The following C17orf114 variants were observed in gnomAD, a reference collection of about 807,000 sequenced individuals.
The protein encoded by C17orf114 is chromosome 17 open reading frame 114.
upstream of C17orf114, among the ~76,000 whole-genome samples, chr17:4,805,813 C>T (rs1905727846): frequency 6.6e-6 from 1 of 151,672 alleles, no homozygotes; most frequent in South Asian, 2.1e-4. Context: ...ATTAGCTGGG[C>T]GTGGTGGCGG....
At chr17:4,802,157 C>T in intron 1 of C17orf114, 90 bp downstream of exon 1, 1 of 398,340 alleles carries the variant, frequency 2.5e-6, no homozygotes, top group Non-Finnish European at 4.4e-6. Flanking sequence ...GATCCTTTTC[C>T]CTTTGCTGGT....
chr17:4,805,370 C>G (rs576954407), upstream of C17orf114, among the ~76,000 whole-genome samples: 1 of 150,768 alleles, frequency 6.6e-6, no homozygotes, highest in Non-Finnish European at 1.5e-5. Flanking sequence ...TGCAGTGAGC[C>G]GAGATCGCGC....
upstream of C17orf114, among the ~76,000 whole-genome samples, chr17:4,803,807 C>T (rs117838943): frequency 4.1e-3 from 617 of 151,790 alleles, 14 homozygotes; most frequent in East Asian, 0.054. Flanking sequence ...CTGCAACCTC[C>T]GTCTCCAGGG....
chr17:4,802,137 G>A (rs1905528544), intron 1 of C17orf114, 110 bp downstream of exon 1: 1 of 397,058 alleles, frequency 2.5e-6, no homozygotes, highest in Non-Finnish European at 4.4e-6. Flanking sequence ...TCCCACCCAG[G>A]GAGACAGATG....
exon 2 of C17orf114, chr17:4,801,193 G>T (rs1905498448): frequency 5.0e-6 from 2 of 397,772 alleles, no homozygotes; most frequent in Admixed American, 4.4e-5. Context: ...GAGAAGGTTA[G>T]AAAGGACTTG....
chr17:4,801,869 T>C (rs1905516060), intron 1 of C17orf114, among the ~76,000 whole-genome samples: 1 of 152,014 alleles, frequency 6.6e-6, no homozygotes, highest in Non-Finnish European at 1.5e-5. Context: ...TAGCTGGGAC[T>C]ACAGGCGCCC....
At chr17:4,803,420 T>TA (rs1905563914), upstream of C17orf114, among the ~76,000 whole-genome samples, 15 of 95,068 alleles carry the variant, frequency 1.6e-4, no homozygotes, top group South Asian at 6.0e-3. Context: ...TTTTTAATTT[T>TA]TTTTTTTTTT....
upstream of C17orf114, among the ~76,000 whole-genome samples, chr17:4,805,650 G>C (rs1006569696): frequency 2.8e-5 from 4 of 143,940 alleles, no homozygotes; most frequent in Admixed American, 1.4e-4. Context: ...GTCCAGCATG[G>C]GCAACAAGAG....
At chr17:4,803,316 C>T (rs575366394), upstream of C17orf114, among the ~76,000 whole-genome samples, 1 of 151,768 alleles carries the variant, frequency 6.6e-6, no homozygotes, top group South Asian at 2.1e-4. Flanking sequence ...GGTAATTTGC[C>T]CAAGGTCACG....
chr17:4,801,635 C>G (rs1022645821), intron 1 of C17orf114, among the ~76,000 whole-genome samples, 180 bp from the exon 2 acceptor site: 2 of 152,062 alleles, frequency 1.3e-5, no homozygotes, highest in Non-Finnish European at 2.9e-5. Flanking sequence ...GCAGGACTGG[C>G]TCGCACACAT....
At chr17:4,801,714 G>A (rs1905511607) in intron 1 of C17orf114, among the ~76,000 whole-genome samples, 1 of 151,894 alleles carries the variant, frequency 6.6e-6, no homozygotes, top group Non-Finnish European at 1.5e-5. Context: ...GGTCTCTGCT[G>A]TCACCATCTT....
At chr17:4,804,648 G>C (rs1192540206), upstream of C17orf114, among the ~76,000 whole-genome samples, 1 of 150,776 alleles carries the variant, frequency 6.6e-6, no homozygotes, top group African/African-American at 2.4e-5. Context: ...CACCAGGCCG[G>C]AGTGTAGTGG....
upstream of C17orf114, among the ~76,000 whole-genome samples, chr17:4,805,930 G>A (rs1342840831): frequency 6.6e-6 from 1 of 151,938 alleles, no homozygotes; most frequent in African/African-American, 2.4e-5. Flanking sequence ...TCCAGCCTGG[G>A]CAACACAGCA....
chr17:4,802,195 T>G (rs143838805), intron 1 of C17orf114, 52 bp downstream of exon 1: 1 of 399,028 alleles, frequency 2.5e-6, no homozygotes, highest in Non-Finnish European at 4.4e-6. Context: ...TGCCATGCAG[T>G]TGTCTCTCTG....
At chr17:4,803,513 C>G (rs1905567513), upstream of C17orf114, among the ~76,000 whole-genome samples, 1 of 146,656 alleles carries the variant, frequency 6.8e-6, no homozygotes, top group South Asian at 2.1e-4. Flanking sequence ...CAAACTCTGC[C>G]TCCCGGGTTC....
At chr17:4,801,739 T>TC (rs1399613142) in intron 1 of C17orf114, among the ~76,000 whole-genome samples, 2 of 151,974 alleles carry the variant, frequency 1.3e-5, no homozygotes, top group East Asian at 3.9e-4. Flanking sequence ...TTCTTAATTT[T>TC]TTTTTTTTTT....
upstream of C17orf114, among the ~76,000 whole-genome samples, chr17:4,802,618 C>CA (rs1905541817): frequency 6.6e-6 from 1 of 152,198 alleles, no homozygotes; most frequent in African/African-American, 2.4e-5. Flanking sequence ...GGTGCTGTGA[C>CA]AGACAGATGC....
chr17:4,807,009 T>TGGGCGGCGGGGCGGGCCGA (rs1330529719), upstream of C17orf114: 12 of 143,860 alleles, frequency 8.3e-5, no homozygotes, highest in African/African-American at 3.1e-4. This position sits in a 1 kb window ranked among gnomAD's most constrained non-coding sequence, Gnocchi z 5.4. Context: ...GGTGGCGCAC[T>TGGGCGGCGGGGCGGGCCGA]GGGCGGCGGG....
upstream of C17orf114, among the ~76,000 whole-genome samples, chr17:4,805,179 C>A (rs1343707198): frequency 1.3e-5 from 2 of 152,014 alleles, no homozygotes; most frequent in African/African-American, 4.8e-5. Flanking sequence ...GCCTGTAATC[C>A]CAGCACTTTA....
Sources: gnomAD v4.1 joint callset for allele counts (sites outside exome capture counted in the v4.1 genomes callset) on GRCh38, gnomAD v4.1.1 for gene constraint, Gnocchi (gnomAD v3.1) non-coding constraint, MANE v1.5 for transcripts, NCBI Gene and HGNC (gene_info 2026-07-23, HGNC 2026-07-21) for gene names.